CYB5R4: variants seen among roughly 807,000 people sequenced by gnomAD.
CYB5R4 encodes the protein cytochrome b5 reductase 4, also known as N-terminal cytochrome b5 and cytochrome b5 oxidoreductase domain-containing protein.
CYB5R4 carries 55 observed loss-of-function variants against 70.2 expected under a neutral mutation model. The observed-to-expected ratio is 0.78, with a 90% CI of 0.63 to 0.98. The LOEUF (loss-of-function observed/expected upper bound fraction) is 0.98, where lower values mean the gene tolerates loss of function less well. Among genes scored for constraint, CYB5R4 ranks in the 50% least tolerant of loss-of-function variants. The probability of loss-of-function intolerance (pLI) is 0.00; values close to 1 mark genes in which losing one functional copy is unlikely to be tolerated. For synonymous variants in CYB5R4, 197 were observed against 199.5 expected (o/e 0.99, Z 0.11); for missense variants, 562 against 612.6 (o/e 0.92, Z 0.87).
At chr6:83,891,419 C>T (rs2099461100) in intron 2 of CYB5R4, among the ~76,000 whole-genome samples, 1 of 152,104 alleles carries the variant, frequency 6.6e-6, no homozygotes, top group Admixed American at 6.5e-5. Context: ...TTCTCTGCCA[C>T]ATCCAGGGGT....
chr6:83,889,725 C>G (rs552533927), intron 2 of CYB5R4, among the ~76,000 whole-genome samples: 47 of 152,282 alleles, frequency 3.1e-4, no homozygotes, highest in Non-Finnish European at 5.9e-4. Flanking sequence ...GTTTAATTGG[C>G]TCATGGTTCT....
In CYB5R4 at chr6:83,966,515, A is replaced by T. The variant is rs1244807703; in HGVS notation, c.*6637A>T. ...GAGACCAGCCTGACCAACATGGAGA[A>T]ACCCTCTCTCTACTAAAAATACAAA... On this transcript the variant is annotated 3_prime_UTR_variant, in exon 16 of 16. Coordinates refer to ENST00000369681, the MANE Select transcript of CYB5R4 (RefSeq NM_016230.4). 6.6e-6 allele frequency: 1 copy of T among 152,202 alleles called. No individual in the cohort carries two copies. The highest frequency in any genetic ancestry group is 2.4e-5 in the African/African-American group (1 of 41,450). 9.4% of individuals were successfully genotyped at this position (152,202 alleles called of 1,614,324 possible).
intron 2 of CYB5R4, among the ~76,000 whole-genome samples, chr6:83,892,501 T>C (rs1340656583): frequency 6.6e-6 from 1 of 152,206 alleles, no homozygotes; most frequent in Non-Finnish European, 1.5e-5. Flanking sequence ...CTATCTAGTT[T>C]TCAAGAATGA....
At chr6:83,861,821 A>G (rs2099455986) in intron 1 of CYB5R4, among the ~76,000 whole-genome samples, 1 of 152,198 alleles carries the variant, frequency 6.6e-6, no homozygotes, top group African/African-American at 2.4e-5. Context: ...TATAGCTAAC[A>G]TTTCTTTCAG....
At chr6:83,914,489 GCTTA>G in intron 5 of CYB5R4, 41 bp downstream of exon 5, 3 of 1,452,728 alleles carry the variant, frequency 2.1e-6, no homozygotes, top group Non-Finnish European at 1.9e-6. Context: ...ATATTCACAT[GCTTA>G]TGAATAGTAT....
chr6:83,866,170 T>C (rs61761486), intron 2 of CYB5R4, among the ~76,000 whole-genome samples: 4,008 of 152,236 alleles, frequency 0.026, 173 homozygotes, highest in African/African-American at 0.091. Context: ...TTAGAAAACT[T>C]GATTATGTGA....
At chr6:83,930,014 T>C (rs1341378313) in intron 10 of CYB5R4, among the ~76,000 whole-genome samples, 1 of 152,178 alleles carries the variant, frequency 6.6e-6, no homozygotes, top group Non-Finnish European at 1.5e-5. Context: ...CATGTAAAAT[T>C]ATATTTACAT....
intron 2 of CYB5R4, among the ~76,000 whole-genome samples, chr6:83,869,503 T>G (rs1486877594): frequency 3.9e-5 from 6 of 152,232 alleles, no homozygotes; most frequent in Non-Finnish European, 8.8e-5. Context: ...GGCTATGTTC[T>G]GACTTCTTGT....
intron 14 of CYB5R4, among the ~76,000 whole-genome samples, chr6:83,941,492 T>C (rs1470488182): frequency 6.6e-6 from 1 of 152,204 alleles, no homozygotes; most frequent in Non-Finnish European, 1.5e-5. Context: ...ATGGTATACA[T>C]AAAATTCTAG....
At chr6:83,955,211 A>T in intron 14 of CYB5R4, 87 bp from the exon 15 acceptor site, 1 of 1,092,356 alleles carries the variant, frequency 9.2e-7, no homozygotes, top group Non-Finnish European at 1.3e-6. Flanking sequence ...TTGTTCCTTT[A>T]GGGGAGAAAT....
intron 2 of CYB5R4, among the ~76,000 whole-genome samples, chr6:83,891,988 G>C (rs1487698175): frequency 6.6e-6 from 1 of 152,124 alleles, no homozygotes; most frequent in East Asian, 1.9e-4. Flanking sequence ...TCTTGTTTGG[G>C]AGGCATCCTC....
chr6:83,936,788 G>T (rs2099468988), intron 12 of CYB5R4, among the ~76,000 whole-genome samples: 1 of 152,126 alleles, frequency 6.6e-6, no homozygotes, highest in Admixed American at 6.5e-5. Flanking sequence ...AACCTCTGAT[G>T]GGTCCCCATT....
At chr6:83,950,267 A>G (rs1458101916) in intron 14 of CYB5R4, among the ~76,000 whole-genome samples, 2 of 152,198 alleles carry the variant, frequency 1.3e-5, no homozygotes, top group Non-Finnish European at 2.9e-5. Flanking sequence ...GATTCAATTC[A>G]CCACATTCCA....
chr6:83,928,711 G>A (rs2099467699), intron 10 of CYB5R4, among the ~76,000 whole-genome samples: 1 of 152,096 alleles, frequency 6.6e-6, no homozygotes, highest in Non-Finnish European at 1.5e-5. Context: ...TAGCAGATCA[G>A]AAAACAATAG....
At chr6:83,905,006 G>A (rs1306827423) in intron 3 of CYB5R4, among the ~76,000 whole-genome samples, 1 of 151,428 alleles carries the variant, frequency 6.6e-6, no homozygotes, top group African/African-American at 2.4e-5. Flanking sequence ...CACATCTGGT[G>A]TAACAGTCAC....
intron 2 of CYB5R4, among the ~76,000 whole-genome samples, chr6:83,875,991 G>A (rs576717912): frequency 7.9e-5 from 12 of 152,064 alleles, no homozygotes; most frequent in South Asian, 4.1e-4. Flanking sequence ...AAATGGAGTC[G>A]CTCTGGTTCG....
intron 1 of CYB5R4, among the ~76,000 whole-genome samples, chr6:83,860,910 T>A (rs1346962737): frequency 6.6e-6 from 1 of 152,254 alleles, no homozygotes; most frequent in Non-Finnish European, 1.5e-5. Flanking sequence ...TTATTGTCTC[T>A]ATTTCGCAGA....
intron 3 of CYB5R4, 127 bp from the exon 4 acceptor site, chr6:83,908,882 A>T: frequency 1.5e-6 from 1 of 668,308 alleles, no homozygotes; most frequent in African/African-American, 1.8e-5. Context: ...GACTAATTGA[A>T]TATGCTTCTT....
intron 9 of CYB5R4, among the ~76,000 whole-genome samples, chr6:83,923,582 A>G (rs1289583843): frequency 6.6e-6 from 1 of 152,202 alleles, no homozygotes; most frequent in Non-Finnish European, 1.5e-5. Flanking sequence ...AATTTAAATC[A>G]GCATATGAAA....
Sources: allele counts gnomAD v4.1 joint callset (sites outside exome capture counted in the v4.1 genomes callset), GRCh38; gene constraint gnomAD v4.1.1; transcripts MANE v1.5; gene names NCBI Gene and HGNC (gene_info 2026-07-23, HGNC 2026-07-21).